COBLL1: variants seen among roughly 807,000 people sequenced by gnomAD.
The protein encoded by COBLL1 is cordon-bleu WH2 repeat protein like 1, also known as cordon-bleu protein-like 1.
Under a neutral mutation model 94.8 loss-of-function variants are expected in COBLL1, and 50 were observed. That is an observed-to-expected ratio of 0.53 (90% CI 0.42 to 0.67). The LOEUF (loss-of-function observed/expected upper bound fraction) is 0.67. Ranked by LOEUF, COBLL1 falls within the 30% of genes least tolerant of loss-of-function variation. COBLL1 has a pLI of 0.00. For missense variants in COBLL1, 1,362 were observed against 1,348.7 expected (o/e 1.01, Z -0.15); for synonymous variants, 448 against 473.8 (o/e 0.95, Z 0.71).
chr2:164,716,471 A>G (rs956945950), intron 7 of COBLL1, among the ~76,000 whole-genome samples: 1 of 152,202 alleles, frequency 6.6e-6, no homozygotes, highest in African/African-American at 2.4e-5. Context: ...AGAAGATGAT[A>G]TATTCACCTT....
At chr2:164,704,627 G>T in intron 8 of COBLL1, 109 bp from the exon 9 acceptor site, 3 of 890,894 alleles carry the variant, frequency 3.4e-6, no homozygotes, top group Non-Finnish European at 5.3e-6. Context: ...CTTGCTAGAA[G>T]CCATTTTACT....
chr2:164,716,518 A>C (rs1685180356), intron 7 of COBLL1, among the ~76,000 whole-genome samples: 1 of 152,170 alleles, frequency 6.6e-6, no homozygotes, highest in Admixed American at 6.5e-5. Flanking sequence ...AATAATGTGA[A>C]AGAGGGTACA....
intron 2 of COBLL1, among the ~76,000 whole-genome samples, chr2:164,767,263 G>T (rs568934861): frequency 4.6e-5 from 7 of 151,920 alleles, no homozygotes; most frequent in African/African-American, 1.4e-4. Context: ...TTCATTTTTT[G>T]GAAAAATCAC....
In COBLL1 at chr2:164,841,269, G is replaced by A. The variant is rs1171764460; in HGVS notation, c.-50-23C>T. ...CTGCTGGGGTGGGAGAGGCCGGCGG[G>A]TCAGGGCGGGACGCGCGCCTTCCCG... On this transcript the variant is annotated intron_variant, in intron 1 of 13. Coordinates refer to ENST00000652658, the MANE Select transcript of COBLL1 (RefSeq NM_001365672.2). This position sits in a 1 kb window ranked among gnomAD's most constrained non-coding sequence, Gnocchi z 5.5. 14 of 1,222,112 alleles carry A rather than the reference G, an allele frequency of 1.1e-5. No individual in the cohort carries two copies. The highest frequency in any genetic ancestry group is 1.4e-5 in the Non-Finnish European group (14 of 981,856). The allele number at this position is 1,222,112 out of a possible 1,614,324, so 75.7% of individuals were successfully genotyped here. A position where few individuals can be genotyped will look rare whatever the true frequency, so the allele number is the denominator to read the frequency against.
chr2:164,729,771 C>A (rs1685890752), intron 4 of COBLL1, 143 bp downstream of exon 4: 1 of 703,664 alleles, frequency 1.4e-6, no homozygotes, highest in Non-Finnish European at 2.4e-6. Context: ...CAATAGCCAA[C>A]TGAATCCTAA....
intron 2 of COBLL1, among the ~76,000 whole-genome samples, chr2:164,803,381 C>T (rs887017029): frequency 6.6e-6 from 1 of 151,196 alleles, no homozygotes; most frequent in African/African-American, 2.4e-5. Flanking sequence ...CCGGCTAAAA[C>T]GGTGAAACCC....
intron 2 of COBLL1, among the ~76,000 whole-genome samples, chr2:164,829,867 A>T (rs1467935278): frequency 1.3e-5 from 2 of 152,192 alleles, no homozygotes; most frequent in Non-Finnish European, 2.9e-5. Context: ...AAGGTTTAAG[A>T]ATAAAGGCAT....
At position 164,695,668 on chromosome 2, in the gene COBLL1, CTT is replaced by C. The variant is rs1383101146; in HGVS notation, c.1722_1723del (p.Ile574MetfsTer37). On this transcript the variant is annotated frameshift_variant, in exon 12 of 14. Coordinates refer to ENST00000652658, the MANE Select transcript of COBLL1 (RefSeq NM_001365672.2). LOFTEE classifies it high-confidence loss of function. ...AGCTGCTAGATGGTTTTCCTTGTAA[CTT>C]ATAGCAGTATCAGTTTCATGTGCCT... 6.2e-7 allele frequency: 1 copy of C among 1,613,860 alleles called. No individual in the cohort carries two copies. The highest frequency in any genetic ancestry group is 8.5e-7 in the Non-Finnish European group (1 of 1,179,874).
chr2:164,778,049 G>C (rs1424219145), intron 2 of COBLL1, among the ~76,000 whole-genome samples: 3 of 152,154 alleles, frequency 2.0e-5, no homozygotes, highest in African/African-American at 4.8e-5. Context: ...TAATGGCCAA[G>C]AGTTGCCAAC....
rs111939559 is a variant in COBLL1, at chr2:164,695,382, C to T, written c.2010G>A (p.Pro670=). ...QGTLIIHSED[P]LTVKDPICAH... ...CACAAATTGGATCTTTTACGGTAAG[C>T]GGATCTTCTGAATGTATAATTAGGG... Residue 670 remains proline (P), a synonymous_variant, in exon 12 of 14, where the codon CCG becomes CCA. Coordinates refer to ENST00000652658, the MANE Select transcript of COBLL1 (RefSeq NM_001365672.2). 4.7e-4 allele frequency: 752 copies of T among 1,613,830 alleles called. No homozygotes were observed. The highest frequency in any genetic ancestry group is 6.6e-4 in the Middle Eastern group (4 of 6,060).
chr2:164,826,756 A>G (rs970820991), intron 2 of COBLL1, among the ~76,000 whole-genome samples: 2 of 152,220 alleles, frequency 1.3e-5, no homozygotes, highest in East Asian at 1.9e-4. Flanking sequence ...CAGAGTGCCA[A>G]GTGCACTGTT....
chr2:164,673,324 A>G (rs1691278006), intron 1 of COBLL1, among the ~76,000 whole-genome samples: 1 of 152,216 alleles, frequency 6.6e-6, no homozygotes, highest in Non-Finnish European at 1.5e-5. Context: ...TTAGAGGCAT[A>G]GTACTTTATA....
chr2:164,702,575 A>AATAATAAT (rs1553469789), intron 9 of COBLL1, among the ~76,000 whole-genome samples: 1 of 135,074 alleles, frequency 7.4e-6, no homozygotes, highest in African/African-American at 3.0e-5. Flanking sequence ...AAAAAAAAAA[A>AATAATAAT]AATAATAATA....
chr2:164,832,814 C>T (rs1294761714), intron 2 of COBLL1, among the ~76,000 whole-genome samples: 2 of 152,080 alleles, frequency 1.3e-5, no homozygotes, highest in Admixed American at 6.5e-5. Flanking sequence ...CAGGCCGAGG[C>T]GGGCGGATCA....
chr2:164,834,077 G>T (rs944127613), intron 2 of COBLL1, among the ~76,000 whole-genome samples: 31 of 152,104 alleles, frequency 2.0e-4, no homozygotes, highest in African/African-American at 7.0e-4. Flanking sequence ...AAAAAATTTA[G>T]CACAGCAAAG....
intron 2 of COBLL1, among the ~76,000 whole-genome samples, chr2:164,767,650 A>T (rs1338130243): frequency 6.6e-6 from 1 of 152,182 alleles, no homozygotes; most frequent in Non-Finnish European, 1.5e-5. Context: ...TCTGCAAAAT[A>T]ATTTACATGT....
chr2:164,712,929 C>T lies in COBLL1; in HGVS notation c.997-7824G>A, dbSNP rs80319435. 8.1e-3 allele frequency among the ~76,000 whole-genome samples: 1,236 copies of T among 152,200 alleles called. 10 individuals are homozygous for T. The highest frequency in any genetic ancestry group is 0.014 in the Non-Finnish European group (937 of 67,974). On this transcript the variant is annotated intron_variant, in intron 7 of 13. Coordinates refer to ENST00000652658, the MANE Select transcript of COBLL1 (RefSeq NM_001365672.2). ...GTGTATCTTTTTACACCTGTATATA[C>T]ATGATGCACATAGATACACACACAC...
chr2:164,717,768 G>T (rs576047841), intron 7 of COBLL1, among the ~76,000 whole-genome samples: 4 of 151,992 alleles, frequency 2.6e-5, no homozygotes, highest in Non-Finnish European at 5.9e-5. Flanking sequence ...CTTACTTTGT[G>T]GCCCAGGTTG....
intron 2 of COBLL1, among the ~76,000 whole-genome samples, chr2:164,791,720 G>A (rs183745797): frequency 6.6e-6 from 1 of 152,100 alleles, no homozygotes; most frequent in Non-Finnish European, 1.5e-5. Flanking sequence ...CTAAGCTTGA[G>A]GAGCAACTTC....
Sources: gnomAD v4.1 joint callset for allele counts (sites outside exome capture counted in the v4.1 genomes callset) on GRCh38, gnomAD v4.1.1 for gene constraint, Gnocchi (gnomAD v3.1) non-coding constraint, MANE v1.5 for transcripts, NCBI Gene and HGNC (gene_info 2026-07-23, HGNC 2026-07-21) for gene names.